MICAL2: variants seen among roughly 807,000 people sequenced by gnomAD.
MICAL2 encodes the protein microtubule associated monooxygenase, calponin and LIM domain containing 2.
A neutral mutation model predicts 127.3 loss-of-function variants in MICAL2; 77 were observed. The ratio of observed to expected loss-of-function variants is 0.60; its 90% confidence interval spans 0.50 to 0.73. The LOEUF is 0.73. MICAL2 is among the 30% of genes least tolerant of loss of function. MICAL2 has a pLI of 0.00. For synonymous variants in MICAL2, 570 were observed against 551.1 expected (o/e 1.03, Z -0.48); for missense variants, 1,351 against 1,434.4 (o/e 0.94, Z 0.94).
downstream of MICAL2, among the ~76,000 whole-genome samples, chr11:12,289,407 G>C (rs1311584956): frequency 6.6e-6 from 1 of 152,246 alleles, no homozygotes; most frequent in Non-Finnish European, 1.5e-5. Flanking sequence ...GCTGGGTAGA[G>C]TGTGCAGCCC....
Position 12,216,106 on chromosome 11 carries a change from C to G in MICAL2, c.848-113C>G, listed in dbSNP as rs545549654. 1.5e-5 allele frequency: 12 copies of G among 778,324 alleles called. No homozygotes were observed. The East Asian group carries it at 2.9e-4, about 19-fold the overall frequency. The allele number at this position is 778,324 out of a possible 1,614,324, so 48.2% of individuals were successfully genotyped here. A position where few individuals can be genotyped will look rare whatever the true frequency, so the allele number is the denominator to read the frequency against. ...TTGTGTGCCTTAAAAACTGGTCTAA[C>G]ATGAATATTCTGCAGATAAATAACA... On this transcript the variant is annotated intron_variant, in intron 7 of 27. Coordinates refer to ENST00000683283, the MANE Select transcript of MICAL2 (RefSeq NM_001282663.2).
chr11:12,199,434 A>C (rs987638579), intron 3 of MICAL2, among the ~76,000 whole-genome samples: 3 of 152,194 alleles, frequency 2.0e-5, no homozygotes, highest in Non-Finnish European at 2.9e-5. Context: ...CAGTGTCTGC[A>C]CACACAGCTC....
At chr11:12,359,085 T>A (rs1038162971), downstream of MICAL2, 15 of 152,582 alleles carry the variant, frequency 9.8e-5, no homozygotes, top group African/African-American at 3.6e-4. Context: ...TAAGCCTTAA[T>A]ATAATATACA....
At chr11:12,356,857 C>A (rs1425875299) in intron 34 of MICAL2, among the ~76,000 whole-genome samples, 1 of 152,218 alleles carries the variant, frequency 6.6e-6, no homozygotes, top group East Asian at 1.9e-4. Context: ...CTCTGCCCAA[C>A]CATGAAGTAC....
At chr11:12,192,615 T>TA (rs1859345173) in intron 3 of MICAL2, among the ~76,000 whole-genome samples, 1 of 151,922 alleles carries the variant, frequency 6.6e-6, no homozygotes, top group African/African-American at 2.4e-5. Context: ...CCGTCTCTAT[T>TA]AAAAATACAA....
At chr11:12,159,324 C>A (rs1854526875) in intron 2 of MICAL2, among the ~76,000 whole-genome samples, 1 of 152,162 alleles carries the variant, frequency 6.6e-6, no homozygotes, top group African/African-American at 2.4e-5. Flanking sequence ...TAATTTTAGA[C>A]AAGGAGGAGC....
chr11:12,234,313 A>C (rs1858723592), intron 15 of MICAL2, among the ~76,000 whole-genome samples: 1 of 151,956 alleles, frequency 6.6e-6, no homozygotes, highest in Non-Finnish European at 1.5e-5. Flanking sequence ...AAAAAAAAAA[A>C]ACAACAGAAA....
intron 3 of MICAL2, among the ~76,000 whole-genome samples, chr11:12,188,528 A>G (rs1189318841): frequency 6.6e-6 from 1 of 152,204 alleles, no homozygotes; most frequent in African/African-American, 2.4e-5. Context: ...ATAACACCCT[A>G]CAACCAAAAT....
intron 29 of MICAL2, among the ~76,000 whole-genome samples, chr11:12,303,033 G>C (rs1864066356): frequency 6.6e-6 from 1 of 152,164 alleles, no homozygotes; most frequent in South Asian, 2.1e-4. Context: ...CAGAGTGAGT[G>C]CAAGTAGGGG....
In MICAL2 at chr11:12,227,151, C is replaced by T. The variant is rs373150725; in HGVS notation, c.1995+20C>T. On this transcript the variant is annotated intron_variant, in intron 15 of 27. Transcript: ENST00000683283. ...CCACGGGTAAGTTTTGGCCTGGTTT[C>T]GGTTTTATTTCCCATTGCACATGGA... The T allele has an allele frequency of 2.1e-5, 33 of 1,555,752 alleles. No individual in the cohort carries two copies. Among genetic ancestry groups the T allele is most frequent in the East Asian group, 1.1e-4 (5 of 44,466 alleles).
upstream of MICAL2, chr11:12,274,241 A>T (rs550329541): frequency 6.6e-6 from 1 of 152,146 alleles, no homozygotes; most frequent in African/African-American, 2.4e-5. Flanking sequence ...CTGTCCCTGG[A>T]GATGAGGTCA....
At chr11:12,340,665 G>T (rs546033273) in intron 32 of MICAL2, among the ~76,000 whole-genome samples, 2 of 152,268 alleles carry the variant, frequency 1.3e-5, no homozygotes, top group South Asian at 4.1e-4. Flanking sequence ...TGGATAATTT[G>T]TGGTATAGTC....
At chr11:12,345,599 A>G (rs759088940) in intron 32 of MICAL2, among the ~76,000 whole-genome samples, 12 of 152,248 alleles carry the variant, frequency 7.9e-5, no homozygotes, top group Non-Finnish European at 1.3e-4. Flanking sequence ...CCAAATAAGT[A>G]AGGTGATATT....
At chr11:12,260,021 A>G in intron 26 of MICAL2, 124 bp downstream of exon 26, 1 of 1,548,220 alleles carries the variant, frequency 6.5e-7, no homozygotes, top group Non-Finnish European at 8.7e-7. Flanking sequence ...AATGCTTACA[A>G]CTACTGCTAC....
chr11:12,156,939 T>C (rs1590109669), intron 2 of MICAL2, among the ~76,000 whole-genome samples: 1 of 152,232 alleles, frequency 6.6e-6, no homozygotes, highest in South Asian at 2.1e-4. Flanking sequence ...CCTCCAGAGC[T>C]CCTTAGTGAC....
chr11:12,331,430 T>C (rs993051042), intron 32 of MICAL2, among the ~76,000 whole-genome samples: 2 of 152,034 alleles, frequency 1.3e-5, no homozygotes, highest in African/African-American at 4.8e-5. Context: ...TTCCCGGAGA[T>C]TGAGGGGTTT....
At position 12,213,455 on chromosome 11, in the gene MICAL2, T is replaced by C. The variant is rs1395420567; in HGVS notation, c.847+45T>C. The C allele has an allele frequency of 5.7e-6, 9 of 1,591,678 alleles. No homozygotes were observed. In the South Asian group the frequency reaches 5.7e-5, roughly 10 times the overall value. On this transcript the variant is annotated intron_variant, in intron 7 of 27. Transcript: ENST00000683283. ...CCCAACCAGGCCAAGGTCTAAAGTT[T>C]GCAGTTTCTAAAGTGTGCAGAGGCG...
At chr11:12,223,051 A>G (rs116100832) in intron 11 of MICAL2, among the ~76,000 whole-genome samples, 1,762 of 152,260 alleles carry the variant, frequency 0.012, 42 homozygotes, top group African/African-American at 0.041. Context: ...GCCAAATATG[A>G]TCTCTGCATA....
chr11:12,187,852 C>T (rs1288818233), intron 3 of MICAL2, among the ~76,000 whole-genome samples: 1 of 151,142 alleles, frequency 6.6e-6, no homozygotes, highest in African/African-American at 2.4e-5. Flanking sequence ...TCTTCAGTCT[C>T]GTCTTTTGCC....
Sources: allele counts gnomAD v4.1 joint callset (sites outside exome capture counted in the v4.1 genomes callset), GRCh38; gene constraint gnomAD v4.1.1; transcripts MANE v1.5; gene names NCBI Gene and HGNC (gene_info 2026-07-23, HGNC 2026-07-21).